The following DYSF variants were observed in gnomAD, a reference collection of about 807,000 sequenced individuals.
The protein encoded by DYSF is dystrophy-associated fer-1-like 1.
In DYSF, 212 loss-of-function variants were observed where a neutral mutation model predicts 274.9. The observed-to-expected ratio is 0.77, with a 90% CI of 0.69 to 0.86. The LOEUF (loss-of-function observed/expected upper bound fraction) is 0.86. DYSF is among the 40% of genes least tolerant of loss of function. The pLI is 0.00. For synonymous variants in DYSF, 1,091 were observed against 1,078.7 expected, an observed-to-expected ratio of 1.01 and a Z score of -0.22; for missense variants, 2,666 against 2,783.2, an observed-to-expected ratio of 0.96 and a Z score of 0.95.
Position 71,564,069 on chromosome 2 carries a change from C to G in DYSF, c.2421C>G (p.Ser807Arg). 6.2e-7 allele frequency: 1 copy of G among 1,614,178 alleles called. No homozygotes were observed. Residue 807 changes from serine to arginine, a missense_variant, in exon 24 of 56, where the codon AGC becomes AGG. Ser to Arg is a moderately radical substitution (Grantham distance 110). Coordinates refer to ENST00000410020, the MANE Select transcript of DYSF (RefSeq NM_001130987.2). Reference sequence around the variant, plus strand: ...CACCCTCTGTTCAGCCCCAGAACAGCCTGCCGGACATCGTCATCTGGATGC... The same window carrying G: ...CACCCTCTGTTCAGCCCCAGAACAGGCTGCCGGACATCGTCATCTGGATGC... The part of the protein sequence containing the change: ...LRALAEEPQN[S>R]LPDIVIWMLQ...
rs369627849 is a variant in DYSF at position 71,668,829 on chromosome 2, C to T, written c.5533C>T (p.Arg1845Trp). 99 of 1,613,144 alleles carry T rather than the reference C, an allele frequency of 6.1e-5. No homozygotes were observed. Among genetic ancestry groups the T allele is most frequent in the Non-Finnish European group, 7.2e-5 (85 of 1,179,786 alleles). ...RPGPPFNITPRRARRFFLRCI... is the reference protein window; with the variant it reads ...RPGPPFNITPWRARRFFLRCI... ...TGGACCTCCCTTCAACATCACCCCA[C>T]GGAGAGCCAGAAGGTGACTTGCCCA... is the stretch of plus-strand genomic sequence containing the variant. The change falls in exon 49 of 56, where the codon CGG (arginine) becomes TGG (tryptophan). Residue 1845 changes from arginine to tryptophan, a missense_variant. Transcript: ENST00000410020.
At chr2:71,686,160 T>C (rs938047979) in intron 55 of DYSF, among the ~76,000 whole-genome samples, 1 of 152,170 alleles carries the variant, frequency 6.6e-6, no homozygotes, top group African/African-American at 2.4e-5. Context: ...CAGAGCAATT[T>C]GGGCAGCTTT....
chr2:71,570,430 A>G lies in DYSF; in HGVS notation c.3085+96A>G, dbSNP rs962546459. ...GAATGCCAGGGCCCTTCACTGGGCTATTTCACCCAGGGACGCTTCTTGAAG... is the reference window on the plus strand; with the variant it reads ...GAATGCCAGGGCCCTTCACTGGGCTGTTTCACCCAGGGACGCTTCTTGAAG... On this transcript the variant is annotated intron_variant, in intron 28 of 55. Transcript: ENST00000410020. 20 of 1,458,854 alleles carry G rather than the reference A, an allele frequency of 1.4e-5. No individual in the cohort carries two copies. In the African/African-American group the frequency reaches 1.5e-4, roughly 11 times the overall value. 90.4% of individuals were successfully genotyped at this position (1,458,854 alleles called of 1,614,324 possible). A position where few individuals can be genotyped will look rare whatever the true frequency, so the allele number is the denominator to read the frequency against.
intron 42 of DYSF, among the ~76,000 whole-genome samples, chr2:71,653,815 A>C (rs2094714824): frequency 6.6e-6 from 1 of 151,872 alleles, no homozygotes; most frequent in Non-Finnish European, 1.5e-5. Context: ...TATAATAAAA[A>C]AATAAAATTA....
At chr2:71,629,946 A>G (rs557018474) in intron 41 of DYSF, among the ~76,000 whole-genome samples, 1 of 152,282 alleles carries the variant, frequency 6.6e-6, no homozygotes, top group East Asian at 1.9e-4. Flanking sequence ...TTTCCTCTTA[A>G]GACTTCCTAT....
chr2:71,660,802 T>A (rs2094865483), intron 45 of DYSF, 151 bp downstream of exon 45: 1 of 710,002 alleles, frequency 1.4e-6, no homozygotes, highest in East Asian at 2.8e-5. Flanking sequence ...GGGCATAGCC[T>A]CAGTTAGCCC....
At chr2:71,511,000 G>A (rs2086030523) in intron 4 of DYSF, among the ~76,000 whole-genome samples, 1 of 152,220 alleles carries the variant, frequency 6.6e-6, no homozygotes, top group African/African-American at 2.4e-5. Context: ...TAATTTGAGA[G>A]ACTGGCTGCC....
At chr2:71,574,642 A>G (rs997085103) in intron 30 of DYSF, among the ~76,000 whole-genome samples, 3 of 152,238 alleles carry the variant, frequency 2.0e-5, no homozygotes, top group African/African-American at 7.2e-5. Context: ...AGAGGGGAAG[A>G]TGGCCTTGGC....
intron 10 of DYSF, among the ~76,000 whole-genome samples, chr2:71,518,460 T>G (rs2086892777): frequency 1.4e-5 from 2 of 147,332 alleles, no homozygotes; most frequent in South Asian, 4.3e-4. Flanking sequence ...ACAGATGGGG[T>G]TTCACCATCT....
Position 71,606,186 on chromosome 2 carries a change from T to C in DYSF, c.3957+3381T>C, listed in dbSNP as rs554497480. On this transcript the variant is annotated intron_variant, in intron 36 of 55. Transcript: ENST00000410020. ...GTGGTAAACTGGCCAGCGGGACTGA[T>C]AGACTGAAGTGGGCTTGAGGATGGC... Among the ~76,000 whole-genome samples, 363 of 152,246 alleles carry C rather than the reference T, an allele frequency of 2.4e-3. 1 individual carries two copies. The highest frequency in any genetic ancestry group is 8.1e-3 in the African/African-American group (338 of 41,530).
intron 14 of DYSF, among the ~76,000 whole-genome samples, chr2:71,532,830 T>TTCTATCTATCTATCTGTCTG (rs369157878): frequency 2.0e-5 from 3 of 147,556 alleles, no homozygotes; most frequent in South Asian, 2.2e-4. Context: ...AGTACATTTA[T>TTCTATCTATCTATCTGTCTG]TCTATCTATC....
chr2:71,669,042 C>T, intron 49 of DYSF, 70 bp from the exon 50 acceptor site: 2 of 1,435,806 alleles, frequency 1.4e-6, no homozygotes, highest in Admixed American at 2.0e-5. Flanking sequence ...TTCTTGGCTT[C>T]TTGGCTTCTT....
chr2:71,522,424 C>T (rs13011337), intron 12 of DYSF, among the ~76,000 whole-genome samples: 101,203 of 151,966 alleles, frequency 0.67, 34,569 homozygotes, highest in African/African-American at 0.75. Flanking sequence ...TGCTCCATAG[C>T]GTTCGATTCT....
intron 42 of DYSF, among the ~76,000 whole-genome samples, chr2:71,650,319 A>G (rs1425915378): frequency 6.6e-6 from 1 of 152,088 alleles, no homozygotes; most frequent in Non-Finnish European, 1.5e-5. Flanking sequence ...TGTCTCTACA[A>G]AAAATACAAA....
intron 3 of DYSF, among the ~76,000 whole-genome samples, chr2:71,488,706 C>G (rs897283089): frequency 6.6e-6 from 1 of 152,156 alleles, no homozygotes; most frequent in Non-Finnish European, 1.5e-5. Context: ...GAGGTCTAGT[C>G]AGGATTGCCT....
intron 51 of DYSF, among the ~76,000 whole-genome samples, 174 bp downstream of exon 51, chr2:71,669,920 G>A (rs2095089354): frequency 6.6e-6 from 1 of 152,132 alleles, no homozygotes; most frequent in Admixed American, 6.5e-5. Flanking sequence ...AGCACTGCCA[G>A]TGTCACCACC....
At chr2:71,466,563 C>T, upstream of DYSF, 5 of 1,016,734 alleles carry the variant, frequency 4.9e-6, no homozygotes, top group Non-Finnish European at 4.9e-6. Flanking sequence ...GGGACCAGCA[C>T]CCCCACAGGC....
intron 1 of DYSF, among the ~76,000 whole-genome samples, chr2:71,474,566 C>T (rs1573346504): frequency 6.6e-6 from 1 of 152,302 alleles, no homozygotes; most frequent in East Asian, 1.9e-4. Flanking sequence ...AATGTGCCTT[C>T]CCTTTTCTTG....
chr2:71,627,342 A>G (rs1283442773), intron 41 of DYSF, among the ~76,000 whole-genome samples: 2 of 152,004 alleles, frequency 1.3e-5, no homozygotes, highest in African/African-American at 4.8e-5. Flanking sequence ...TTTGACACCT[A>G]AATTGTCTAA....
Sources: gnomAD v4.1 joint callset for allele counts (sites outside exome capture counted in the v4.1 genomes callset) on GRCh38, gnomAD v4.1.1 for gene constraint, MANE v1.5 for transcripts, NCBI Gene and HGNC (gene_info 2026-07-23, HGNC 2026-07-21) for gene names.